RBM47: variants seen among roughly 807,000 people sequenced by gnomAD.
RBM47 encodes RNA-binding protein 47.
A neutral mutation model predicts 47.1 loss-of-function variants in RBM47; 21 were observed. That is an observed-to-expected ratio of 0.45 (90% CI 0.32 to 0.64). The LOEUF is 0.64. Ranked by LOEUF, RBM47 falls within the 30% of genes least tolerant of loss-of-function variation. RBM47 has a pLI of 0.05. For synonymous variants in RBM47, 375 were observed against 361.7 expected (o/e 1.04, Z -0.42); for missense variants, 708 against 870.9 (o/e 0.81, Z 2.35).
intron 1 of RBM47, among the ~76,000 whole-genome samples, chr4:40,595,993 G>A (rs1449417627): frequency 6.6e-6 from 1 of 152,114 alleles, no homozygotes; most frequent in Non-Finnish European, 1.5e-5. Context: ...TGTGGACGCA[G>A]CCTCTCTGCA....
At position 40,572,004 on chromosome 4, in the gene RBM47, C is replaced by T. The variant is rs1419293057; in HGVS notation, c.-239-27498G>A. ...TACCACTGTACTCCAGCCTGGGCAA[C>T]AGAGCGAGACTCCATCTCAAAAAGA... On this transcript the variant is annotated intron_variant, in intron 1 of 6. Coordinates refer to ENST00000295971, the MANE Select transcript of RBM47 (RefSeq NM_001098634.2). 5.7e-5 allele frequency among the ~76,000 whole-genome samples: 8 copies of T among 141,030 alleles called. No homozygotes were observed. In the East Asian group the frequency reaches 1.4e-3, roughly 25 times the overall value. 92.5% of individuals were successfully genotyped at this position (141,030 alleles called of 152,430 possible). A position where few individuals can be genotyped will look rare whatever the true frequency, so the allele number is the denominator to read the frequency against.
intron 1 of RBM47, among the ~76,000 whole-genome samples, chr4:40,615,362 G>C (rs1736627337): frequency 6.6e-6 from 1 of 152,130 alleles, no homozygotes; most frequent in South Asian, 2.1e-4. Flanking sequence ...AGACTCTCTT[G>C]AACCCAGGAG....
At chr4:40,453,375 G>A (rs1348502449) in intron 3 of RBM47, among the ~76,000 whole-genome samples, 1 of 152,136 alleles carries the variant, frequency 6.6e-6, no homozygotes, top group Admixed American at 6.5e-5. Flanking sequence ...AGACTTCAGG[G>A]AATAAGCCAG....
chr4:40,556,723 C>T (rs898638695), intron 1 of RBM47, among the ~76,000 whole-genome samples: 1 of 151,664 alleles, frequency 6.6e-6, no homozygotes, highest in Non-Finnish European at 1.5e-5. Context: ...AATCTTGTCT[C>T]TATAAAAAAT....
At chr4:40,587,887 T>C (rs1038430618) in intron 1 of RBM47, among the ~76,000 whole-genome samples, 5 of 152,320 alleles carry the variant, frequency 3.3e-5, no homozygotes, top group Non-Finnish European at 5.9e-5. Flanking sequence ...CAAGGAATTA[T>C]AGTGAGTTGC....
chr4:40,436,035 G>A (rs1712296084), intron 5 of RBM47, among the ~76,000 whole-genome samples: 1 of 150,550 alleles, frequency 6.6e-6, no homozygotes, highest in African/African-American at 2.4e-5. Context: ...AGCCGGGCAT[G>A]GTGGTGGGCA....
At chr4:40,471,410 C>T (rs538731692) in intron 2 of RBM47, among the ~76,000 whole-genome samples, 49 of 152,110 alleles carry the variant, frequency 3.2e-4, no homozygotes, top group African/African-American at 7.9e-4. Context: ...AAAAAATATA[C>T]AATTTGGTCA....
chr4:40,482,414 C>T (rs964505016), intron 2 of RBM47, among the ~76,000 whole-genome samples: 3 of 151,934 alleles, frequency 2.0e-5, no homozygotes, highest in Admixed American at 2.0e-4. Context: ...CTACCACACC[C>T]GGCTAATTTT....
At chr4:40,485,494 T>TCAAG (rs916139032) in intron 2 of RBM47, among the ~76,000 whole-genome samples, 9 of 152,194 alleles carry the variant, frequency 5.9e-5, no homozygotes, top group Admixed American at 5.2e-4. Context: ...CAATGCTTTG[T>TCAAG]CAAGCACCTC....
chr4:40,612,835 T>C (rs1736378733), intron 1 of RBM47, among the ~76,000 whole-genome samples: 1 of 152,218 alleles, frequency 6.6e-6, no homozygotes, highest in East Asian at 1.9e-4. Flanking sequence ...TGCAGAGGGA[T>C]CTTCATTCAC....
chr4:40,559,308 T>C (rs1295194270), intron 1 of RBM47, among the ~76,000 whole-genome samples: 2 of 152,238 alleles, frequency 1.3e-5, no homozygotes, highest in African/African-American at 4.8e-5. Context: ...AGGCTGTGTT[T>C]CTCAAACAAT....
At chr4:40,588,056 AGAGGAC>A (rs1000796823) in intron 1 of RBM47, among the ~76,000 whole-genome samples, 1 of 152,208 alleles carries the variant, frequency 6.6e-6, no homozygotes, top group African/African-American at 2.4e-5. Flanking sequence ...CCTGCAATTC[AGAGGAC>A]CAGTGGCACA....
At chr4:40,453,907 C>T (rs1410531677) in intron 3 of RBM47, among the ~76,000 whole-genome samples, 1 of 151,942 alleles carries the variant, frequency 6.6e-6, no homozygotes, top group East Asian at 1.9e-4. Context: ...TTTTAAAACT[C>T]CCAAGTTAAT....
rs56334700 is a variant in RBM47 at position 40,423,652 on chromosome 4, TTTTCTTTCTTTC to T, written c.*2240_*2251del. ...TCATTTTTTTTTATTCTTTCTTTCT[TTTTCTTTCTTTC>T]TTTCTTTCTTTCTTTCTTTCTTTCT... On this transcript the variant is annotated 3_prime_UTR_variant, in exon 7 of 7. Transcript: ENST00000295971. 17,567 of 128,778 alleles carry T rather than the reference TTTTCTTTCTTTC, an allele frequency of 0.14. 1,367 individuals are homozygous for T. The highest frequency in any genetic ancestry group is 0.18 in the Middle Eastern group (48 of 270). 8.0% of individuals were successfully genotyped at this position (128,778 alleles called of 1,614,324 possible).
intron 1 of RBM47, among the ~76,000 whole-genome samples, chr4:40,610,455 A>G (rs2154279175): frequency 6.6e-6 from 1 of 151,738 alleles, no homozygotes; most frequent in South Asian, 2.1e-4. Flanking sequence ...CTAAAAATAC[A>G]AAAAATTAGC....
rs879886723 is a variant in RBM47 at position 40,502,734 on chromosome 4, TA to T, written c.-154-36036del. On this transcript the variant is annotated intron_variant, in intron 2 of 6. Coordinates refer to ENST00000295971, the MANE Select transcript of RBM47 (RefSeq NM_001098634.2). ...GGTGACATGCACCTGTAGCTCCAGC[TA>T]TTCAGGAGGTTGAGGCAGGAAGATC... Among the ~76,000 whole-genome samples the T allele has an allele frequency of 2.9e-3, 436 of 151,992 alleles. 2 individuals are homozygous for T. The highest frequency in any genetic ancestry group is 9.3e-3 in the African/African-American group (384 of 41,442).
At chr4:40,500,482 G>T (rs1723212869) in intron 2 of RBM47, among the ~76,000 whole-genome samples, 1 of 150,302 alleles carries the variant, frequency 6.7e-6, no homozygotes, top group Admixed American at 6.6e-5. Context: ...GTGGTGGTAT[G>T]TGCCTATAGT....
chr4:40,549,486 G>A (rs978462338), intron 1 of RBM47, among the ~76,000 whole-genome samples: 1 of 151,342 alleles, frequency 6.6e-6, no homozygotes, highest in Non-Finnish European at 1.5e-5. Flanking sequence ...TAAATAATAC[G>A]AGTACATAGG....
rs142002058 is a variant in RBM47 at position 40,430,997 on chromosome 4, T to C, written c.1542+1654A>G. Among the ~76,000 whole-genome samples, 1,012 of 152,116 alleles carry C rather than the reference T, an allele frequency of 6.7e-3. 7 individuals are homozygous for C. Among genetic ancestry groups the C allele is most frequent in the African/African-American group, 0.023 (956 of 41,490 alleles). On this transcript the variant is annotated intron_variant, in intron 6 of 6. Transcript: ENST00000295971. The stretch of plus-strand genomic sequence containing the variant: ...TACTTGGGAGGCTGAGGTGGGAGGA[T>C]TGCTTGAACCAGGGAGGTTGAGGTT...
Sources: gnomAD v4.1 joint callset for allele counts (sites outside exome capture counted in the v4.1 genomes callset) on GRCh38, gnomAD v4.1.1 for gene constraint, MANE v1.5 for transcripts, NCBI Gene and HGNC (gene_info 2026-07-23, HGNC 2026-07-21) for gene names.